CAMTA1: variants seen among roughly 807,000 people sequenced by gnomAD.
CAMTA1 encodes the protein calmodulin binding transcription activator 1.
Under a neutral mutation model 170.9 loss-of-function variants are expected in CAMTA1, and 27 were observed. The ratio of observed to expected loss-of-function variants is 0.16; its 90% CI spans 0.12 to 0.22. The LOEUF is 0.22. CAMTA1 is among the 10% of genes least tolerant of loss of function. The pLI is 1.00. For synonymous variants in CAMTA1, 833 were observed against 891.5 expected (o/e 0.93, Z 1.17); for missense variants, 1,619 against 2,217.2 (o/e 0.73, Z 5.42).
chr1:7,379,549 A>G (rs535438658), intron 5 of CAMTA1, among the ~76,000 whole-genome samples: 22 of 152,308 alleles, frequency 1.4e-4, no homozygotes, highest in Admixed American at 1.2e-3. Flanking sequence ...CTGGCAGAAA[A>G]GGCTGCTGGT....
rs1426481193 is a variant in CAMTA1 at position 7,091,288 on chromosome 1, T to C, written c.235-16T>C. 6.3e-7 allele frequency: 1 copy of C among 1,581,794 alleles called. No homozygotes were observed. The highest frequency in any genetic ancestry group is 8.7e-7 in the Non-Finnish European group (1 of 1,150,606). On this transcript the variant is annotated splice_polypyrimidine_tract_variant and intron_variant, in intron 3 of 22. Transcript: ENST00000303635. ...GAGCTAATTGTTGTTATTATCTTTTTATTCTTCTGTTTCAGGAAATTGCAG... is the reference window on the plus strand; with the variant it reads ...GAGCTAATTGTTGTTATTATCTTTTCATTCTTCTGTTTCAGGAAATTGCAG...
chr1:7,026,172 C>T (rs1212244206), intron 3 of CAMTA1, among the ~76,000 whole-genome samples: 1 of 151,068 alleles, frequency 6.6e-6, no homozygotes, highest in Non-Finnish European at 1.5e-5. Flanking sequence ...AGAGCAGGCC[C>T]ATGAAGGTGG....
Position 6,965,256 on chromosome 1 carries a change from C to T in CAMTA1, c.235-126048C>T, listed in dbSNP as rs370023219. On this transcript the variant is annotated intron_variant, in intron 3 of 22. Transcript: ENST00000303635. The surrounding 1 kb of genome is among the most constrained non-coding windows in gnomAD (Gnocchi z 4.1). Reference sequence around the variant, plus strand: ...GTGCATGTGTGCATGTGTGTGGGCACGTGCTCCTGGGGGCATGCACATGTT... The same window carrying T: ...GTGCATGTGTGCATGTGTGTGGGCATGTGCTCCTGGGGGCATGCACATGTT... 1.9e-4 allele frequency among the ~76,000 whole-genome samples: 29 copies of T among 151,624 alleles called. 1 individual carries two copies. The South Asian group carries it at 4.8e-3, about 25-fold the overall frequency.
intron 5 of CAMTA1, among the ~76,000 whole-genome samples, chr1:7,279,311 G>A (rs771463507): frequency 3.3e-5 from 5 of 152,162 alleles, no homozygotes; most frequent in Non-Finnish European, 7.4e-5. Flanking sequence ...TGGGAGGGAT[G>A]ACTTATTGGT....
At chr1:7,379,577 CGTAAAACAAA>C (rs2087115541) in intron 5 of CAMTA1, among the ~76,000 whole-genome samples, 2 of 152,280 alleles carry the variant, frequency 1.3e-5, no homozygotes, top group Admixed American at 6.5e-5. Context: ...CCCAGGAAAC[CGTAAAACAAA>C]GCACTTTCTC....
chr1:7,431,726 C>T (rs939791776), intron 5 of CAMTA1, among the ~76,000 whole-genome samples: 2 of 152,218 alleles, frequency 1.3e-5, no homozygotes, highest in African/African-American at 4.8e-5. Flanking sequence ...GCCCCTGCTC[C>T]CTTGCCAAGT....
At chr1:7,480,401 G>A (rs563363424) in intron 6 of CAMTA1, among the ~76,000 whole-genome samples, 1 of 151,346 alleles carries the variant, frequency 6.6e-6, no homozygotes, top group East Asian at 1.9e-4. Context: ...ATGAGAGTGT[G>A]TGTGTGTGTG....
intron 6 of CAMTA1, among the ~76,000 whole-genome samples, chr1:7,573,764 G>GT (rs1301021064): frequency 6.6e-6 from 1 of 152,026 alleles, no homozygotes; most frequent in Non-Finnish European, 1.5e-5. Context: ...CGTTTTTTGG[G>GT]TTTTTTTGGG....
chr1:6,888,670 G>A (rs920361877), intron 3 of CAMTA1, among the ~76,000 whole-genome samples: 6 of 152,222 alleles, frequency 3.9e-5, no homozygotes, highest in African/African-American at 1.4e-4. Context: ...GAAACTTGGA[G>A]GCGATTACTT....
intron 11 of CAMTA1, among the ~76,000 whole-genome samples, chr1:7,707,284 C>A (rs550706580): frequency 1.3e-5 from 2 of 152,084 alleles, no homozygotes; most frequent in Non-Finnish European, 2.9e-5. Context: ...GAATCCAGTA[C>A]GTGAATAACA....
chr1:7,668,398 C>A (rs74803621), intron 9 of CAMTA1, among the ~76,000 whole-genome samples: 21,888 of 91,444 alleles, frequency 0.24, 1,819 homozygotes, highest in Admixed American at 0.32. Context: ...AACACACACA[C>A]ACACACACAC....
intron 5 of CAMTA1, among the ~76,000 whole-genome samples, chr1:7,401,103 G>A (rs1256632209): frequency 1.3e-5 from 2 of 152,150 alleles, no homozygotes; most frequent in Non-Finnish European, 2.9e-5. Flanking sequence ...CCTCATTCAA[G>A]ATCACAAACA....
At chr1:7,397,097 A>G (rs1236132796) in intron 5 of CAMTA1, among the ~76,000 whole-genome samples, 1 of 152,094 alleles carries the variant, frequency 6.6e-6, no homozygotes, top group African/African-American at 2.4e-5. Context: ...ATTTGGTAGA[A>G]CTCAGCAATG....
intron 3 of CAMTA1, among the ~76,000 whole-genome samples, chr1:7,060,555 A>G (rs554347449): frequency 6.6e-6 from 1 of 152,272 alleles, no homozygotes; most frequent in Admixed American, 6.5e-5. Context: ...CAGTTCAGTC[A>G]TTTGCTTCAC....
chr1:6,871,958 G>C, intron 3 of CAMTA1: 1 of 1,265,872 alleles, frequency 7.9e-7, no homozygotes, highest in Non-Finnish European at 1.0e-6. Flanking sequence ...CCCTTTGAGT[G>C]ATAAATTTGC....
chr1:7,260,196 G>T (rs1350427197), intron 5 of CAMTA1, among the ~76,000 whole-genome samples: 2 of 152,198 alleles, frequency 1.3e-5, no homozygotes, highest in African/African-American at 4.8e-5. Flanking sequence ...CATGGATGTA[G>T]TTGGTCCACT....
chr1:7,545,740 A>C (rs139248505), intron 6 of CAMTA1, among the ~76,000 whole-genome samples: 71 of 152,154 alleles, frequency 4.7e-4, no homozygotes, highest in Admixed American at 2.1e-3. Context: ...GGTTTGTTAC[A>C]TAGGTAGACA....
intron 3 of CAMTA1, among the ~76,000 whole-genome samples, chr1:6,901,721 A>G (rs1001426823): frequency 6.6e-6 from 1 of 152,178 alleles, no homozygotes; most frequent in Non-Finnish European, 1.5e-5. Flanking sequence ...GACCCTGGTA[A>G]TACCAAGTGC....
intron 4 of CAMTA1, among the ~76,000 whole-genome samples, chr1:7,215,349 C>T (rs1046060427): frequency 3.9e-5 from 6 of 152,096 alleles, no homozygotes; most frequent in South Asian, 2.1e-4. Flanking sequence ...ATATTCAGTC[C>T]GACCACTGTT....
Sources: gnomAD v4.1 joint callset for allele counts (sites outside exome capture counted in the v4.1 genomes callset) on GRCh38, gnomAD v4.1.1 for gene constraint, Gnocchi (gnomAD v3.1) non-coding constraint, MANE v1.5 for transcripts, NCBI Gene and HGNC (gene_info 2026-07-23, HGNC 2026-07-21) for gene names.